CSGALNACT1: variants seen among roughly 807,000 people sequenced by gnomAD.
CSGALNACT1 encodes the protein beta4GalNAcT-1.
Under a neutral mutation model 51.0 loss-of-function variants are expected in CSGALNACT1, and 52 were observed. That is an observed-to-expected ratio of 1.02 (90% CI 0.82 to 1.29). The LOEUF (loss-of-function observed/expected upper bound fraction) is 1.29, where lower values mean the gene tolerates loss of function less well. Ranked by LOEUF, CSGALNACT1 falls within the 50% of genes most tolerant of loss-of-function variation. The pLI, the probability that CSGALNACT1 is intolerant of heterozygous loss-of-function variation, is 0.00. For missense variants in CSGALNACT1, 935 were observed against 679.2 expected (o/e 1.38, Z -4.19); for synonymous variants, 341 against 254.4 (o/e 1.34, Z -3.24).
chr8:19,517,312 T>C (rs1382143752), intron 3 of CSGALNACT1, among the ~76,000 whole-genome samples: 3 of 152,086 alleles, frequency 2.0e-5, no homozygotes, highest in Non-Finnish European at 4.4e-5. Flanking sequence ...TGGTGGCACA[T>C]GCCTGTAATC....
At chr8:19,510,872 C>G (rs920704279) in intron 3 of CSGALNACT1, among the ~76,000 whole-genome samples, 2 of 152,198 alleles carry the variant, frequency 1.3e-5, no homozygotes, top group African/African-American at 4.8e-5. Flanking sequence ...GTTTCACAGC[C>G]TAAGACTTAA....
chr8:19,463,676 C>G (rs1231830073), intron 4 of CSGALNACT1, among the ~76,000 whole-genome samples: 1 of 152,196 alleles, frequency 6.6e-6, no homozygotes, highest in Non-Finnish European at 1.5e-5. Flanking sequence ...AATTAAAGAT[C>G]AAAATCAGGA....
intron 3 of CSGALNACT1, among the ~76,000 whole-genome samples, chr8:19,528,196 C>G (rs559166741): frequency 6.6e-6 from 1 of 151,870 alleles, no homozygotes; most frequent in Non-Finnish European, 1.5e-5. Flanking sequence ...GTATCCCGGT[C>G]ATGTTCTCCA....
At chr8:19,572,812 T>C (rs2043307181) in intron 3 of CSGALNACT1, among the ~76,000 whole-genome samples, 1 of 152,200 alleles carries the variant, frequency 6.6e-6, no homozygotes, top group South Asian at 2.1e-4. Context: ...AGATTTTTCA[T>C]GAACATCCAC....
chr8:19,539,883 G>A (rs116272033), intron 3 of CSGALNACT1, among the ~76,000 whole-genome samples: 1,885 of 152,272 alleles, frequency 0.012, 30 homozygotes, highest in African/African-American at 0.043. Context: ...GGGACAGGAG[G>A]GGAGATACCT....
chr8:19,624,737 G>A (rs2054237396), intron 1 of CSGALNACT1, among the ~76,000 whole-genome samples: 1 of 151,422 alleles, frequency 6.6e-6, no homozygotes, highest in Admixed American at 6.6e-5. Flanking sequence ...GGAGTGCAGT[G>A]GCGAGATCTC....
At chr8:19,524,335 C>A (rs982473527) in intron 3 of CSGALNACT1, among the ~76,000 whole-genome samples, 1 of 152,094 alleles carries the variant, frequency 6.6e-6, no homozygotes, top group East Asian at 1.9e-4. Flanking sequence ...TCCCACCATC[C>A]CCACTCCAAT....
chr8:19,641,147 T>C (rs2154176820), intron 1 of CSGALNACT1, among the ~76,000 whole-genome samples: 1 of 148,982 alleles, frequency 6.7e-6, no homozygotes, highest in Non-Finnish European at 1.5e-5. Flanking sequence ...TTTTTTTTTT[T>C]TTTTTTTTAA....
chr8:19,557,131 C>T (rs1442635322), intron 3 of CSGALNACT1, among the ~76,000 whole-genome samples: 3 of 152,164 alleles, frequency 2.0e-5, no homozygotes, highest in Middle Eastern at 3.4e-3. Flanking sequence ...TCCCTTGCAC[C>T]CCAGATCCAA....
chr8:19,483,101 C>T (rs2071898950), intron 4 of CSGALNACT1, among the ~76,000 whole-genome samples: 1 of 152,196 alleles, frequency 6.6e-6, no homozygotes, highest in African/African-American at 2.4e-5. Context: ...TCTCTGGAAT[C>T]ACCCACTTCT....
chr8:19,576,915 G>A (rs994137454), intron 3 of CSGALNACT1, among the ~76,000 whole-genome samples: 3 of 152,010 alleles, frequency 2.0e-5, no homozygotes, highest in South Asian at 2.1e-4. Flanking sequence ...GTCAGCAAGT[G>A]CAATCACTGG....
At chr8:19,635,434 T>G (rs906332205) in intron 1 of CSGALNACT1, among the ~76,000 whole-genome samples, 1 of 152,214 alleles carries the variant, frequency 6.6e-6, no homozygotes, top group Non-Finnish European at 1.5e-5. Context: ...GATCTAGGCC[T>G]GTTGCCCTAA....
chr8:19,642,994 G>C lies in CSGALNACT1; in HGVS notation c.-544+39479C>G, dbSNP rs182905661. Among the ~76,000 whole-genome samples, 525 of 152,156 alleles carry C rather than the reference G, an allele frequency of 3.5e-3. 13 individuals are homozygous for C. The South Asian group carries it at 0.071, about 21-fold the overall frequency. The stretch of plus-strand genomic sequence containing the variant: ...ATTACAGGAGCTGGAAGAAAATACA[G>C]TTAAATTGTGACCAACCTTCTGGAT... On this transcript the variant is annotated intron_variant, in intron 1 of 9. Transcript: ENST00000332246.
intron 4 of CSGALNACT1, among the ~76,000 whole-genome samples, chr8:19,496,463 A>G (rs1213246532): frequency 2.0e-5 from 3 of 152,204 alleles, no homozygotes; most frequent in Non-Finnish European, 4.4e-5. Flanking sequence ...GACGTTATTC[A>G]TTTGTAGAGC....
chr8:19,639,264 T>C (rs1009064138), intron 1 of CSGALNACT1, among the ~76,000 whole-genome samples: 3 of 152,220 alleles, frequency 2.0e-5, no homozygotes, highest in African/African-American at 7.2e-5. Context: ...CACAGCATGC[T>C]TGCCCTTGGT....
intron 4 of CSGALNACT1, among the ~76,000 whole-genome samples, chr8:19,486,916 T>A (rs2073093019): frequency 6.6e-6 from 1 of 152,140 alleles, no homozygotes; most frequent in Non-Finnish European, 1.5e-5. Context: ...CAACAACACT[T>A]GAAGAAAAGG....
rs533250226 is a variant in CSGALNACT1 at position 19,456,562 on chromosome 8, G to A, written c.851+1864C>T. 2.3e-4 allele frequency among the ~76,000 whole-genome samples: 35 copies of A among 152,324 alleles called. No homozygotes were observed. In the South Asian group the frequency reaches 3.9e-3, roughly 17 times the overall value. ...GAGATGTAATGTTTAATCAACCAGCGGCACTGTGCCATTCCAAAGGGAAAA... is the reference window on the plus strand; with the variant it reads ...GAGATGTAATGTTTAATCAACCAGCAGCACTGTGCCATTCCAAAGGGAAAA... On this transcript the variant is annotated intron_variant, in intron 5 of 9. Transcript: ENST00000454498.
chr8:19,673,941 G>T (rs142593107), intron 1 of CSGALNACT1, among the ~76,000 whole-genome samples: 1 of 152,182 alleles, frequency 6.6e-6, no homozygotes, highest in African/African-American at 2.4e-5. Context: ...GATAAATGCA[G>T]AGAACTTGTC....
At chr8:19,500,853 G>A (rs944344447) in intron 4 of CSGALNACT1, among the ~76,000 whole-genome samples, 9 of 152,146 alleles carry the variant, frequency 5.9e-5, no homozygotes, top group East Asian at 1.9e-4. Flanking sequence ...TCACAATTAC[G>A]GAGGCCGGGA....
Sources: gnomAD v4.1 joint callset for allele counts (sites outside exome capture counted in the v4.1 genomes callset) on GRCh38, gnomAD v4.1.1 for gene constraint, MANE v1.5 for transcripts, NCBI Gene and HGNC (gene_info 2026-07-23, HGNC 2026-07-21) for gene names.